Variants in CYB5D2 observed in about 807,000 individuals in gnomAD.
The protein encoded by CYB5D2 is cytochrome b5 domain containing 2, also known as neuferricin.
A neutral mutation model predicts 22.8 loss-of-function variants in CYB5D2; 23 were observed. The ratio of observed to expected loss-of-function variants is 1.01; its 90% CI spans 0.73 to 1.43. CYB5D2 has a LOEUF of 1.43. CYB5D2 is among the 40% of genes most tolerant of loss of function. The probability of loss-of-function intolerance (pLI) is 0.00; values close to 1 mark genes in which losing one functional copy is unlikely to be tolerated. For missense variants in CYB5D2, 373 were observed against 357.2 expected (o/e 1.04, Z -0.36); for synonymous variants, 170 against 152.2 (o/e 1.12, Z -0.86).
rs911422667 is a variant in CYB5D2, at chr17:4,143,278, G to A, written c.-478G>A. The A allele has an allele frequency of 1.6e-5, 3 of 186,126 alleles. No individual in the cohort carries two copies. Among genetic ancestry groups the A allele is most frequent in the African/African-American group, 7.0e-5 (3 of 42,680 alleles). The allele number at this position is 186,126 out of a possible 1,614,324, so 11.5% of individuals were successfully genotyped here. ...GCGGTGGCTCACGCCTGTAATCCCA[G>A]CACTTTGGGAGGCCGAGACGGGTGG... is the stretch of plus-strand genomic sequence containing the variant. On this transcript the variant is annotated 5_prime_UTR_variant, in exon 1 of 4. Transcript: ENST00000301391.
rs1249377668 is a variant in CYB5D2, at chr17:4,154,722, C to A, written c.440C>A (p.Ala147Glu). Reference protein sequence around the residue: ...FYGEDGLPTPALTQVEAAITR... With the variant: ...FYGEDGLPTPELTQVEAAITR... ...GGAGAGGATGGGCTGCCCACCCCGGCACTGACCCAGGTAGAAGCTGCGATC... is the reference window on the plus strand; with the variant it reads ...GGAGAGGATGGGCTGCCCACCCCGGAACTGACCCAGGTAGAAGCTGCGATC... Residue 147 changes from alanine (A) to glutamate (E), a missense_variant, in exon 3 of 4, where the codon GCA (alanine) becomes GAA (glutamate). Transcript: ENST00000301391. 1 of 1,614,214 alleles carries A rather than the reference C, an allele frequency of 6.2e-7. No homozygotes were observed. The highest frequency in any genetic ancestry group is 8.5e-7 in the Non-Finnish European group (1 of 1,180,034).
intron 1 of CYB5D2, among the ~76,000 whole-genome samples, 157 bp downstream of exon 1, chr17:4,144,162 C>A (rs1011901438): frequency 1.2e-4 from 18 of 152,214 alleles, no homozygotes; most frequent in African/African-American, 4.1e-4. Flanking sequence ...CATGCACTAT[C>A]CTTCTAGGCT....
At position 4,143,697 on chromosome 17, in the gene CYB5D2, A is replaced by T. The variant is rs1483397962; in HGVS notation, c.-59A>T. ...TGACGTCACGCTCGGCGTCTCGGCCATCTTAGCTGTAGATAGAGGCGGCAA... is the reference window on the plus strand; with the variant it reads ...TGACGTCACGCTCGGCGTCTCGGCCTTCTTAGCTGTAGATAGAGGCGGCAA... On this transcript the variant is annotated 5_prime_UTR_variant, in exon 1 of 4. Coordinates refer to ENST00000301391, the MANE Select transcript of CYB5D2 (RefSeq NM_144611.4). 1 of 1,537,984 alleles carries T rather than the reference A, an allele frequency of 6.5e-7. No homozygotes were observed.
At chr17:4,149,502 G>A (rs923231107) in intron 1 of CYB5D2, among the ~76,000 whole-genome samples, 8 of 152,182 alleles carry the variant, frequency 5.3e-5, no homozygotes, top group African/African-American at 7.2e-5. Flanking sequence ...GTCAAGAGAC[G>A]TTTCTCAGAA....
rs112834553 is a variant in CYB5D2, at chr17:4,151,543, C to T, written c.391+1512C>T. On this transcript the variant is annotated intron_variant, in intron 2 of 3. Transcript: ENST00000301391. ...TCTCTATTAAAATACAAAAATTAGC[C>T]GGGCATGATGGCAGGTGCCTGTAAT... Among the ~76,000 whole-genome samples, 155 of 151,330 alleles carry T rather than the reference C, an allele frequency of 1.0e-3. 1 individual carries two copies. The highest frequency in any genetic ancestry group is 3.5e-3 in the African/African-American group (144 of 41,208).
intron 2 of CYB5D2, chr17:4,151,023 G>A (rs1204959073): frequency 6.6e-6 from 1 of 152,188 alleles, no homozygotes; most frequent in East Asian, 1.9e-4. Context: ...ATCGAAACAG[G>A]TCTAACTTGG....
At position 4,154,821 on chromosome 17, in the gene CYB5D2, G is replaced by A. The variant is rs772342915; in HGVS notation, c.539G>A (p.Ser180Asn). 3 of 1,614,164 alleles carry A rather than the reference G, an allele frequency of 1.9e-6. No individual in the cohort carries two copies. The highest frequency in any genetic ancestry group is 1.1e-5 in the South Asian group (1 of 91,086). The part of the protein sequence containing the change: ...QTFPPCNAEW[S>N]SARGSRLWCS... ...TTCCCGCCGTGCAACGCGGAGTGGA[G>A]CTCAGCCAGGGGCAGCCGGCTCTGG... Residue 180 changes from serine to asparagine, a missense_variant, in exon 3 of 4, where the codon AGC becomes AAC. By Grantham distance (46) the Ser-to-Asn change is conservative. Transcript: ENST00000301391.
At position 4,156,988 on chromosome 17, in the gene CYB5D2, C is replaced by T. The variant is rs1474334912; in HGVS notation, c.701C>T (p.Pro234Leu). 1.2e-6 allele frequency: 2 copies of T among 1,612,826 alleles called. No individual in the cohort carries two copies. The highest frequency in any genetic ancestry group is 2.2e-5 in the East Asian group (1 of 44,886). Residue 234 changes from proline to leucine, a missense_variant, in exon 4 of 4, where the codon CCT (proline) becomes CTT (leucine). Transcript: ENST00000301391. ...GPPSGQMPDN[P>L]PHRNRGDLDH... ...CCTAGTGGCCAGATGCCGGACAACC[C>T]TCCACACAGAAATCGTGGGGACCTG...
At chr17:4,150,620 C>A (rs2059045873) in intron 2 of CYB5D2, among the ~76,000 whole-genome samples, 1 of 152,226 alleles carries the variant, frequency 6.6e-6, no homozygotes, top group South Asian at 2.1e-4. Flanking sequence ...CGCAGTGGCT[C>A]ACGACTGTAA....
At chr17:4,155,141 T>C (rs1044038815) in intron 3 of CYB5D2, among the ~76,000 whole-genome samples, 2 of 152,206 alleles carry the variant, frequency 1.3e-5, no homozygotes, top group Admixed American at 6.5e-5. Flanking sequence ...AAGATCCTGC[T>C]GACACAACCT....
chr17:4,148,833 A>G (rs2059022489), intron 1 of CYB5D2, among the ~76,000 whole-genome samples: 1 of 152,240 alleles, frequency 6.6e-6, no homozygotes, highest in African/African-American at 2.4e-5. Flanking sequence ...ATGCACAAAA[A>G]AAAAGAACTG....
At position 4,143,530 on chromosome 17, in the gene CYB5D2, A is replaced by G. The variant is rs953061790; in HGVS notation, c.-226A>G. On this transcript the variant is annotated 5_prime_UTR_variant, in exon 1 of 4. Transcript: ENST00000301391. ...AACAAGAGCTAAAACTCTGTCTCAG[A>G]AAAAAAAAAAAAAAGTACCTGGAAA... 9.0e-4 allele frequency: 13 copies of G among 14,516 alleles called. No homozygotes were observed. Among genetic ancestry groups the G allele is most frequent in the Non-Finnish European group, 4.3e-3 (12 of 2,786 alleles). The allele number at this position is 14,516 out of a possible 1,614,324, so 0.9% of individuals were successfully genotyped here. A position where few individuals can be genotyped will look rare whatever the true frequency, so the allele number is the denominator to read the frequency against.
At chr17:4,154,638 T>A (rs758803934) in intron 2 of CYB5D2, 36 bp from the exon 3 acceptor site, 49 of 1,595,926 alleles carry the variant, frequency 3.1e-5, no homozygotes, top group African/African-American at 5.4e-5. Context: ...AGCTGAGTAT[T>A]CACTCTCACT....
In CYB5D2 at chr17:4,157,267, C is replaced by A; in HGVS notation, c.*185C>A. 1 of 673,002 alleles carries A rather than the reference C, an allele frequency of 1.5e-6. No individual in the cohort carries two copies. Among genetic ancestry groups the A allele is most frequent in the Non-Finnish European group, 2.5e-6 (1 of 398,976 alleles). 41.7% of individuals were successfully genotyped at this position (673,002 alleles called of 1,614,324 possible). A position where few individuals can be genotyped will look rare whatever the true frequency, so the allele number is the denominator to read the frequency against. On this transcript the variant is annotated 3_prime_UTR_variant, in exon 4 of 4. Transcript: ENST00000301391. The surrounding 1 kb of genome is among the most constrained non-coding windows in gnomAD (Gnocchi z 4.4). ...GCTCGGCGTTGTGGTGCCTGAGGGACAGCCGGCCACCTGCCCAGTACTGGT... is the reference window on the plus strand; with the variant it reads ...GCTCGGCGTTGTGGTGCCTGAGGGAAAGCCGGCCACCTGCCCAGTACTGGT...
chr17:4,144,943 C>T (rs1034335795), intron 1 of CYB5D2, among the ~76,000 whole-genome samples: 33 of 152,244 alleles, frequency 2.2e-4, no homozygotes, highest in African/African-American at 7.2e-4. Context: ...CCCACCACCA[C>T]GCCCGGCTAA....
At chr17:4,156,681 G>A (rs2142995539) in intron 3 of CYB5D2, among the ~76,000 whole-genome samples, 185 bp from the exon 4 acceptor site, 1 of 152,348 alleles carries the variant, frequency 6.6e-6, no homozygotes, top group South Asian at 2.1e-4. Flanking sequence ...CCCTGCAGGG[G>A]AAGCTGGAGG....
chr17:4,152,657 G>A (rs551257876), intron 2 of CYB5D2, among the ~76,000 whole-genome samples: 3 of 152,180 alleles, frequency 2.0e-5, no homozygotes, highest in South Asian at 2.1e-4. Context: ...CCCAACCCCC[G>A]TAGTGGGAAA....
chr17:4,143,953 G>C lies in CYB5D2; in HGVS notation c.198G>C (p.Val66=). Residue 66 remains valine, a synonymous_variant, in exon 1 of 4, where the codon GTG becomes GTC. Coordinates refer to ENST00000301391, the MANE Select transcript of CYB5D2 (RefSeq NM_144611.4). ...CGTTGCTCGGCCGTGTCTACGATGT[G>C]TCCTCCGGCCGGAGGCACTACGAGC... ...YLALLGRVYD[V]SSGRRHYEPG... 2 of 1,613,044 alleles carry C rather than the reference G, an allele frequency of 1.2e-6. No individual in the cohort carries two copies. The highest frequency in any genetic ancestry group is 1.7e-6 in the Non-Finnish European group (2 of 1,179,890).
chr17:4,157,091 C>A lies in CYB5D2; in HGVS notation c.*9C>A. On this transcript the variant is annotated 3_prime_UTR_variant, in exon 4 of 4. Coordinates refer to ENST00000301391, the MANE Select transcript of CYB5D2 (RefSeq NM_144611.4). The surrounding 1 kb of genome is among the most constrained non-coding windows in gnomAD (Gnocchi z 4.4). ...GCTCCTTTCCACTCTAAGCCGTAGC[C>A]TCTTCTGTTAATAACACACAGAGAG... 1 of 1,611,954 alleles carries A rather than the reference C, an allele frequency of 6.2e-7. No homozygotes were observed. Among genetic ancestry groups the A allele is most frequent in the Non-Finnish European group, 8.5e-7 (1 of 1,179,868 alleles).
Sources: allele counts gnomAD v4.1 joint callset (sites outside exome capture counted in the v4.1 genomes callset), GRCh38; gene constraint gnomAD v4.1.1; non-coding constraint Gnocchi (gnomAD v3.1); transcripts MANE v1.5; gene names NCBI Gene and HGNC (gene_info 2026-07-23, HGNC 2026-07-21).